Variants in OSBPL1A observed in about 807,000 individuals in gnomAD.
The protein encoded by OSBPL1A is oxysterol-binding protein-related protein 1.
Under a neutral mutation model 137.1 loss-of-function variants are expected in OSBPL1A, and 80 were observed. The observed-to-expected ratio is 0.58, with a 90% CI of 0.49 to 0.70. The LOEUF (loss-of-function observed/expected upper bound fraction) is 0.70. Ranked by LOEUF, OSBPL1A falls within the 30% of genes least tolerant of loss-of-function variation. The probability of loss-of-function intolerance (pLI) is 0.00; values close to 1 mark genes in which losing one functional copy is unlikely to be tolerated. For missense variants in OSBPL1A, 970 were observed against 1,129.4 expected, an observed-to-expected ratio of 0.86 and a Z score of 2.02; for synonymous variants, 365 against 389.7, an observed-to-expected ratio of 0.94 and a Z score of 0.75.
rs56170506 is a variant in OSBPL1A, at chr18:24,315,593, ATAT to A, written c.871-1249_871-1247del. 7.1e-4 allele frequency among the ~76,000 whole-genome samples: 96 copies of A among 134,538 alleles called. 1 individual carries two copies. Among genetic ancestry groups the A allele is most frequent in the Admixed American group, 2.3e-3 (28 of 11,962 alleles). 88.3% of individuals were successfully genotyped at this position (134,538 alleles called of 152,430 possible). A position where few individuals can be genotyped will look rare whatever the true frequency, so the allele number is the denominator to read the frequency against. On this transcript the variant is annotated intron_variant, in intron 11 of 27. Transcript: ENST00000319481. Reference sequence around the variant, plus strand: ...ATTATTATATATTATAATCATATTAATATTATTATATATTATAATCATAATATA... The same window carrying A: ...ATTATTATATATTATAATCATATTAATATTATATATTATAATCATAATATA...
At chr18:24,248,568 T>C (rs2088976151) in intron 15 of OSBPL1A, among the ~76,000 whole-genome samples, 1 of 152,216 alleles carries the variant, frequency 6.6e-6, no homozygotes, top group Admixed American at 6.5e-5. Context: ...TGTCTGGTTT[T>C]TGACGTACTG....
chr18:24,377,283 T>A lies in OSBPL1A; in HGVS notation c.121+130A>T, dbSNP rs1008437333. 12 of 1,135,030 alleles carry A rather than the reference T, an allele frequency of 1.1e-5. No individual in the cohort carries two copies. In the African/African-American group the frequency reaches 1.7e-4, roughly 16 times the overall value. 70.3% of individuals were successfully genotyped at this position (1,135,030 alleles called of 1,614,324 possible). ...GGGCTAGGAGAGACATTTCCTCCAA[T>A]CTGTGGGGTTCTTCCTAGCATGAGA... On this transcript the variant is annotated intron_variant, in intron 2 of 27. Transcript: ENST00000319481.
At chr18:24,167,921 G>T (rs1216100669) in intron 24 of OSBPL1A, among the ~76,000 whole-genome samples, 2 of 152,164 alleles carry the variant, frequency 1.3e-5, no homozygotes, top group Admixed American at 6.5e-5. Flanking sequence ...TGAACACAGT[G>T]TGGGAAGCCA....
intron 17 of OSBPL1A, among the ~76,000 whole-genome samples, chr18:24,200,388 C>T (rs1483888577): frequency 6.6e-6 from 1 of 151,922 alleles, no homozygotes; most frequent in Non-Finnish European, 1.5e-5. Flanking sequence ...ATGGTGAAAC[C>T]CTGTCTCTAC....
chr18:24,335,175 G>A (rs1174769781), intron 5 of OSBPL1A, among the ~76,000 whole-genome samples: 2 of 152,202 alleles, frequency 1.3e-5, no homozygotes, highest in African/African-American at 4.8e-5. Context: ...ATAGGCATGA[G>A]CCACCTTGCC....
intron 17 of OSBPL1A, among the ~76,000 whole-genome samples, chr18:24,203,801 T>C (rs1026351275): frequency 6.6e-6 from 1 of 152,208 alleles, no homozygotes; most frequent in Admixed American, 6.5e-5. Flanking sequence ...AGGGTACTAA[T>C]TATACACACT....
intron 18 of OSBPL1A, among the ~76,000 whole-genome samples, chr18:24,188,454 G>T (rs2086807371): frequency 6.6e-6 from 1 of 152,202 alleles, no homozygotes; most frequent in Non-Finnish European, 1.5e-5. Context: ...TCAATAAGTA[G>T]ATTTATTTTT....
intron 14 of OSBPL1A, among the ~76,000 whole-genome samples, chr18:24,289,418 G>GTTTTTTTTTTT (rs536281272): frequency 5.3e-5 from 5 of 94,208 alleles, no homozygotes; most frequent in Non-Finnish European, 7.9e-5. Flanking sequence ...GTTTTTTCCT[G>GTTTTTTTTTTT]TTTTTTTTTT....
intron 4 of OSBPL1A, among the ~76,000 whole-genome samples, chr18:24,363,650 T>A (rs2091660731): frequency 1.3e-5 from 2 of 151,654 alleles, no homozygotes; most frequent in East Asian, 1.9e-4. Flanking sequence ...CTTTCTATCT[T>A]TCTTTCTTTC....
rs536281272 is a variant in OSBPL1A, at chr18:24,289,418, G to GTTTTTT, written c.1175-8476_1175-8471dup. Among the ~76,000 whole-genome samples, 114 of 94,188 alleles carry GTTTTTT rather than the reference G, an allele frequency of 1.2e-3. 1 individual carries two copies. Among genetic ancestry groups the GTTTTTT allele is most frequent in the Non-Finnish European group, 1.3e-3 (68 of 50,584 alleles). 61.8% of individuals were successfully genotyped at this position (94,188 alleles called of 152,430 possible). ...TCCAGACTGTTTATTGTTTTTTCCT[G>GTTTTTT]TTTTTTTTTTTTTTTTTTTTTGAGA... On this transcript the variant is annotated intron_variant, in intron 14 of 27. Transcript: ENST00000319481.
intron 1 of OSBPL1A, among the ~76,000 whole-genome samples, chr18:24,397,359 T>G (rs1476008018): frequency 6.6e-6 from 1 of 152,202 alleles, no homozygotes. Context: ...AGGGGATGCA[T>G]GCGGCACCAG....
At chr18:24,165,452 A>T (rs2145901951) in intron 26 of OSBPL1A, among the ~76,000 whole-genome samples, 1 of 152,354 alleles carries the variant, frequency 6.6e-6, no homozygotes, top group Non-Finnish European at 1.5e-5. Flanking sequence ...TTCTTCAATG[A>T]AAACTTGGGT....
At chr18:24,216,401 GGAGGCT>G (rs1430672618) in intron 17 of OSBPL1A, among the ~76,000 whole-genome samples, 1 of 152,188 alleles carries the variant, frequency 6.6e-6, no homozygotes, top group African/African-American at 2.4e-5. Flanking sequence ...CAGCTACCTG[GGAGGCT>G]GAGGCAGGAG....
intron 18 of OSBPL1A, among the ~76,000 whole-genome samples, chr18:24,183,495 C>T (rs1436262615): frequency 1.3e-5 from 2 of 151,082 alleles, no homozygotes; most frequent in African/African-American, 2.4e-5. Flanking sequence ...TGCAAAGGCG[C>T]GATCTCGGCT....
intron 14 of OSBPL1A, among the ~76,000 whole-genome samples, chr18:24,282,925 A>G (rs2089988243): frequency 6.6e-6 from 1 of 152,050 alleles, no homozygotes; most frequent in African/African-American, 2.4e-5. Flanking sequence ...CCTGAGCAAA[A>G]AAGCAAGACT....
At chr18:24,332,119 T>C (rs2146141648) in intron 7 of OSBPL1A, among the ~76,000 whole-genome samples, 1 of 152,126 alleles carries the variant, frequency 6.6e-6, no homozygotes, top group African/African-American at 2.4e-5. Flanking sequence ...CTTACATCTG[T>C]AATCCCAGCA....
At chr18:24,344,335 A>G (rs544695659) in intron 4 of OSBPL1A, among the ~76,000 whole-genome samples, 119 of 152,282 alleles carry the variant, frequency 7.8e-4, no homozygotes, top group Non-Finnish European at 1.6e-3. Context: ...CGGTAGTCCC[A>G]GCAGCTACTC....
intron 4 of OSBPL1A, among the ~76,000 whole-genome samples, chr18:24,345,478 G>T (rs1049347062): frequency 6.6e-6 from 1 of 152,138 alleles, no homozygotes; most frequent in Non-Finnish European, 1.5e-5. Context: ...CTTGAGATCA[G>T]GAGTTCAAGA....
chr18:24,359,633 C>T (rs1046530330), intron 4 of OSBPL1A, among the ~76,000 whole-genome samples: 1 of 151,774 alleles, frequency 6.6e-6, no homozygotes, highest in South Asian at 2.1e-4. Flanking sequence ...GCTATGAGGG[C>T]CCCACTGCAC....
Sources: gnomAD v4.1 joint callset for allele counts (sites outside exome capture counted in the v4.1 genomes callset) on GRCh38, gnomAD v4.1.1 for gene constraint, MANE v1.5 for transcripts, NCBI Gene and HGNC (gene_info 2026-07-23, HGNC 2026-07-21) for gene names.